The following SEC22C variants were observed in gnomAD, a reference collection of about 807,000 sequenced individuals.
The protein encoded by SEC22C is vesicle-trafficking protein SEC22c.
A neutral mutation model predicts 34.7 loss-of-function variants in SEC22C; 29 were observed. The ratio of observed to expected loss-of-function variants is 0.84; its 90% CI spans 0.62 to 1.14. The LOEUF (loss-of-function observed/expected upper bound fraction) is 1.14, where lower values mean the gene tolerates loss of function less well. Ranked by LOEUF, SEC22C falls within the 50% of genes most tolerant of loss-of-function variation. The pLI is 0.00. For missense variants in SEC22C, 337 were observed against 369.0 expected (o/e 0.91, Z 0.71); for synonymous variants, 117 against 132.8 (o/e 0.88, Z 0.82).
intron 1 of SEC22C, among the ~76,000 whole-genome samples, chr3:42,577,489 TG>T (rs1704042773): frequency 6.6e-6 from 1 of 152,184 alleles, no homozygotes; most frequent in Admixed American, 6.5e-5. Context: ...AGAGGATATA[TG>T]GATGGCAAAT....
chr3:42,582,443 A>AG (rs1374394158), upstream of SEC22C: 2 of 152,502 alleles, frequency 1.3e-5, no homozygotes, highest in African/African-American at 4.8e-5. Context: ...AGTCCGACCC[A>AG]GGGGGACACA....
intron 1 of SEC22C, among the ~76,000 whole-genome samples, chr3:42,572,598 T>C (rs1479282088): frequency 6.6e-6 from 1 of 152,314 alleles, no homozygotes. Flanking sequence ...AGAGGCCACG[T>C]AGGGAACCTG....
intron 3 of SEC22C, among the ~76,000 whole-genome samples, chr3:42,561,664 T>C (rs529482861): frequency 5.0e-4 from 76 of 152,344 alleles, no homozygotes; most frequent in African/African-American, 1.6e-3. Flanking sequence ...GCTGGGATAA[T>C]AGGCGTGAAC....
chr3:42,591,289 C>T (rs1386579850), intron 1 of SEC22C: 1 of 587,354 alleles, frequency 1.7e-6, no homozygotes, highest in South Asian at 2.1e-5. Context: ...ACCACCGCTT[C>T]CTGGCTTCAA....
chr3:42,596,671 A>G (rs1559538604), intron 1 of SEC22C, among the ~76,000 whole-genome samples: 2 of 152,230 alleles, frequency 1.3e-5, no homozygotes, highest in Non-Finnish European at 2.9e-5. Flanking sequence ...TTTATCTTCG[A>G]ATCATCTAAA....
chr3:42,568,141 A>G (rs1199451295), intron 2 of SEC22C, among the ~76,000 whole-genome samples: 1 of 152,156 alleles, frequency 6.6e-6, no homozygotes, highest in Non-Finnish European at 1.5e-5. Context: ...TTAAAAAGCA[A>G]AGGTATAAAT....
chr3:42,593,212 A>G (rs969386806), intron 1 of SEC22C, among the ~76,000 whole-genome samples: 4 of 152,178 alleles, frequency 2.6e-5, no homozygotes, highest in South Asian at 4.1e-4. Context: ...CAGGAGTTCA[A>G]TACCAGCCTG....
At chr3:42,563,894 T>C in intron 2 of SEC22C, 1 of 1,457,604 alleles carries the variant, frequency 6.9e-7, no homozygotes, top group South Asian at 1.2e-5. Context: ...GTAGTCTTAA[T>C]CAATGACAGC....
Position 42,551,712 on chromosome 3 carries a change from T to C in SEC22C, c.*1536A>G. Reference sequence around the variant, plus strand: ...AAAATAAAGTTACTATGGCAACATTTTCCCAACATAGTTCCCAGTATATAA... The same window carrying C: ...AAAATAAAGTTACTATGGCAACATTCTCCCAACATAGTTCCCAGTATATAA... On this transcript the variant is annotated 3_prime_UTR_variant, in exon 7 of 7. Coordinates refer to ENST00000264454, the MANE Select transcript of SEC22C (RefSeq NM_032970.4). The C allele has an allele frequency of 1.0e-6, 1 of 962,428 alleles. No individual in the cohort carries two copies. The highest frequency in any genetic ancestry group is 1.2e-6 in the Non-Finnish European group (1 of 809,014). 59.6% of individuals were successfully genotyped at this position (962,428 alleles called of 1,614,324 possible). A position where few individuals can be genotyped will look rare whatever the true frequency, so the allele number is the denominator to read the frequency against.
intron 1 of SEC22C, among the ~76,000 whole-genome samples, chr3:42,576,179 C>G (rs1703949720): frequency 6.6e-6 from 1 of 150,922 alleles, no homozygotes. Context: ...GAAAATATAT[C>G]AAAATTTGTG....
Position 42,550,147 on chromosome 3 carries a change from C to T in SEC22C, c.*3101G>A. The T allele has an allele frequency of 3.0e-6, 3 of 985,482 alleles. No homozygotes were observed. The highest frequency in any genetic ancestry group is 3.6e-6 in the Non-Finnish European group (3 of 829,942). The allele number at this position is 985,482 out of a possible 1,614,324, so 61.0% of individuals were successfully genotyped here. On this transcript the variant is annotated 3_prime_UTR_variant, in exon 7 of 7. Coordinates refer to ENST00000264454, the MANE Select transcript of SEC22C (RefSeq NM_032970.4). ...CCCTTCCTAAGAGCATGGAGCCACA[C>T]TCTGGCCTTGATACAGTAGATGGGA...
At chr3:42,598,344 T>G (rs1327686414) in intron 1 of SEC22C, among the ~76,000 whole-genome samples, 2 of 151,876 alleles carry the variant, frequency 1.3e-5, no homozygotes. Context: ...TTTTTTTTTT[T>G]TGAGACAGAG....
chr3:42,554,991 AACAAC>A (rs1329838639), intron 6 of SEC22C, among the ~76,000 whole-genome samples: 2 of 135,716 alleles, frequency 1.5e-5, no homozygotes, highest in African/African-American at 6.2e-5. Context: ...CAACAACAAC[AACAAC>A]AAAAAAATCA....
chr3:42,590,936 G>A lies in SEC22C; in HGVS notation c.-28+10024C>T, dbSNP rs778676148. ...TCGTACCGGACTGGCTGAGGGGCAAGGCGGAAGTCAATCAAGAGACTATCC... is the reference window on the plus strand; with the variant it reads ...TCGTACCGGACTGGCTGAGGGGCAAAGCGGAAGTCAATCAAGAGACTATCC... On this transcript the variant is annotated intron_variant, in intron 1 of 6. Coordinates refer to the SEC22C transcript ENST00000417572. 44 of 1,612,336 alleles carry A rather than the reference G, an allele frequency of 2.7e-5. No homozygotes were observed. The Admixed American group carries it at 7.2e-4, about 26-fold the overall frequency.
intron 1 of SEC22C, among the ~76,000 whole-genome samples, chr3:42,597,157 A>C (rs1705053417): frequency 1.3e-5 from 2 of 152,192 alleles, no homozygotes; most frequent in Admixed American, 1.3e-4. Flanking sequence ...TGCTCCTCTA[A>C]TAGACACACT....
chr3:42,590,637 A>G (rs1704787610), intron 1 of SEC22C, among the ~76,000 whole-genome samples: 1 of 151,718 alleles, frequency 6.6e-6, no homozygotes, highest in South Asian at 2.1e-4. Context: ...GACGCCAGGT[A>G]GGTCAGCAGT....
chr3:42,588,991 A>C (rs1262880174), intron 1 of SEC22C, among the ~76,000 whole-genome samples: 1 of 152,116 alleles, frequency 6.6e-6, no homozygotes. Context: ...CAGGCCGGGC[A>C]CAGTAGCTCA....
intron 1 of SEC22C, among the ~76,000 whole-genome samples, chr3:42,593,229 A>G (rs1203681237): frequency 2.0e-5 from 3 of 152,258 alleles, no homozygotes; most frequent in African/African-American, 7.2e-5. Flanking sequence ...CCTGGCCAAC[A>G]TGGCAAAACC....
At chr3:42,566,090 A>T (rs1703218572) in intron 2 of SEC22C, among the ~76,000 whole-genome samples, 1 of 152,192 alleles carries the variant, frequency 6.6e-6, no homozygotes, top group Non-Finnish European at 1.5e-5. Context: ...CAAATCAGTT[A>T]ATCACAGCAT....
Sources: allele counts gnomAD v4.1 joint callset (sites outside exome capture counted in the v4.1 genomes callset), GRCh38; gene constraint gnomAD v4.1.1; transcripts MANE v1.5; gene names NCBI Gene and HGNC (gene_info 2026-07-23, HGNC 2026-07-21).